The following SLC8A1 variants were observed in gnomAD, a reference collection of about 807,000 sequenced individuals.
The protein encoded by SLC8A1 is sodium/calcium exchanger 1.
A neutral mutation model predicts 68.3 loss-of-function variants in SLC8A1; 18 were observed. The observed-to-expected ratio is 0.26, with a 90% CI of 0.18 to 0.39. The LOEUF is 0.39. SLC8A1 is among the 10% of genes least tolerant of loss of function. The probability of loss-of-function intolerance (pLI) is 1.00; values close to 1 mark genes in which losing one functional copy is unlikely to be tolerated. For synonymous variants in SLC8A1, 475 were observed against 415.5 expected, an observed-to-expected ratio of 1.14 and a Z score of -1.74; for missense variants, 985 against 1,156.7, an observed-to-expected ratio of 0.85 and a Z score of 2.15.
At chr2:40,121,292 G>A (rs1205752410) in intron 7 of SLC8A1, among the ~76,000 whole-genome samples, 1 of 152,150 alleles carries the variant, frequency 6.6e-6, no homozygotes, top group Non-Finnish European at 1.5e-5. Flanking sequence ...TGTAAGACAT[G>A]GGAAGGGGAG....
chr2:40,479,064 G>T (rs938850613), intron 1 of SLC8A1, among the ~76,000 whole-genome samples: 1 of 152,088 alleles, frequency 6.6e-6, no homozygotes, highest in Non-Finnish European at 1.5e-5. Flanking sequence ...GAGCCACCAC[G>T]CCCGGCCTCA....
At chr2:40,443,789 G>A (rs955018129) in intron 1 of SLC8A1, among the ~76,000 whole-genome samples, 3 of 152,176 alleles carry the variant, frequency 2.0e-5, no homozygotes, top group Non-Finnish European at 4.4e-5. Context: ...GGGAAATTCT[G>A]CTAACAATCT....
At position 40,352,469 on chromosome 2, in the gene SLC8A1, A is replaced by G. The variant is rs547179508; in HGVS notation, c.1808+76004T>C. Among the ~76,000 whole-genome samples the G allele has an allele frequency of 6.9e-4, 105 of 152,290 alleles. 2 individuals are homozygous for G. The highest frequency in any genetic ancestry group is 2.5e-3 in the African/African-American group (103 of 41,580). On this transcript the variant is annotated intron_variant, in intron 2 of 7. Coordinates refer to ENST00000406785, the Ensembl canonical transcript of SLC8A1. Reference sequence around the variant, plus strand: ...CAAAGGCTTGTTGAGTTCTCTTTCTATAATCCTCAGGAATTCAAAGAAGCC... The same window carrying G: ...CAAAGGCTTGTTGAGTTCTCTTTCTGTAATCCTCAGGAATTCAAAGAAGCC...
intron 2 of SLC8A1, among the ~76,000 whole-genome samples, chr2:40,380,725 G>C (rs1487191971): frequency 6.6e-6 from 1 of 152,072 alleles, no homozygotes; most frequent in Non-Finnish European, 1.5e-5. Context: ...AATTTCCTGA[G>C]CAATGATGGT....
At chr2:40,401,323 C>T (rs1257091443) in intron 2 of SLC8A1, among the ~76,000 whole-genome samples, 6 of 152,136 alleles carry the variant, frequency 3.9e-5, no homozygotes, top group African/African-American at 1.4e-4. Context: ...TTTGTTCATA[C>T]TATTTCTTCC....
intron 7 of SLC8A1, among the ~76,000 whole-genome samples, chr2:40,133,546 T>C (rs2039845539): frequency 6.6e-6 from 1 of 151,922 alleles, no homozygotes; most frequent in Non-Finnish European, 1.5e-5. Flanking sequence ...TGCCAGAAAC[T>C]AAAGGACAGC....
intron 5 of SLC8A1, among the ~76,000 whole-genome samples, chr2:40,164,402 A>G (rs959103680): frequency 2.6e-5 from 4 of 152,212 alleles, no homozygotes; most frequent in African/African-American, 9.6e-5. Flanking sequence ...GAGCTTGTCA[A>G]TGGGATGTTC....
chr2:40,302,029 A>ATG (rs1405381831), intron 2 of SLC8A1, among the ~76,000 whole-genome samples: 1 of 83,888 alleles, frequency 1.2e-5, no homozygotes, highest in East Asian at 4.0e-4. Flanking sequence ...CACCGGGCTA[A>ATG]TCTGTGTGTG....
At chr2:40,357,497 T>TAAAAAA (rs71406059) in intron 2 of SLC8A1, among the ~76,000 whole-genome samples, 23 of 115,468 alleles carry the variant, frequency 2.0e-4, no homozygotes, top group African/African-American at 2.6e-4. Flanking sequence ...ACCCTGTCTT[T>TAAAAAA]AAAAAAAAAA....
intron 2 of SLC8A1, among the ~76,000 whole-genome samples, chr2:40,215,305 A>G (rs1436248280): frequency 6.6e-6 from 1 of 152,080 alleles, no homozygotes; most frequent in Non-Finnish European, 1.5e-5. Context: ...AGCCGGGTCT[A>G]AAGGTACACA....
At chr2:40,122,236 G>A (rs1544642) in intron 7 of SLC8A1, among the ~76,000 whole-genome samples, 20,806 of 149,442 alleles carry the variant, frequency 0.14, 1,548 homozygotes, top group Admixed American at 0.2. Flanking sequence ...GTGTGCGCGC[G>A]CACACACACA....
At chr2:40,292,828 G>T (rs1281293371) in intron 2 of SLC8A1, among the ~76,000 whole-genome samples, 1 of 152,168 alleles carries the variant, frequency 6.6e-6, no homozygotes, top group Non-Finnish European at 1.5e-5. Flanking sequence ...AAATTACGCT[G>T]CCTATTCTCT....
At chr2:40,366,622 C>T (rs577947400) in intron 2 of SLC8A1, among the ~76,000 whole-genome samples, 26 of 151,986 alleles carry the variant, frequency 1.7e-4, no homozygotes, top group Non-Finnish European at 2.9e-4. Flanking sequence ...TTATATAACT[C>T]GCTCAAGGTC....
At chr2:40,262,083 C>A (rs2064783759) in intron 2 of SLC8A1, among the ~76,000 whole-genome samples, 1 of 151,970 alleles carries the variant, frequency 6.6e-6, no homozygotes, top group Non-Finnish European at 1.5e-5. Context: ...CTGTCTCAGC[C>A]TCCTTAGTAG....
chr2:40,171,851 G>A (rs934591839), intron 4 of SLC8A1, among the ~76,000 whole-genome samples: 9 of 152,202 alleles, frequency 5.9e-5, no homozygotes, highest in African/African-American at 1.7e-4. Flanking sequence ...CCAAACAAGG[G>A]CCTTTCAATG....
At position 40,433,628 on chromosome 2, in the gene SLC8A1, A is replaced by G. The variant is rs556364770; in HGVS notation, c.-24-3324T>C. Among the ~76,000 whole-genome samples, 267 of 152,310 alleles carry G rather than the reference A, an allele frequency of 1.8e-3. 3 individuals are homozygous for G. The highest frequency in any genetic ancestry group is 1.0e-3 in the Non-Finnish European group (70 of 68,024). On this transcript the variant is annotated intron_variant, in intron 1 of 7. Transcript: ENST00000406785. Reference sequence around the variant, plus strand: ...ACAATAATCCTAAATAGTAGGTACTATTAGCCCATTTGGAGGTTGGATAAC... The same window carrying G: ...ACAATAATCCTAAATAGTAGGTACTGTTAGCCCATTTGGAGGTTGGATAAC...
intron 2 of SLC8A1, among the ~76,000 whole-genome samples, chr2:40,258,014 C>A (rs1248406968): frequency 2.6e-5 from 4 of 152,172 alleles, no homozygotes; most frequent in Admixed American, 2.6e-4. Context: ...AACAATATAC[C>A]AGCGTGGGTG....
intron 2 of SLC8A1, among the ~76,000 whole-genome samples, chr2:40,428,234 T>C (rs1431261498): frequency 1.3e-5 from 2 of 152,070 alleles, no homozygotes; most frequent in African/African-American, 2.4e-5. Context: ...AATGTGTAAA[T>C]GTATAAAAGT....
intron 7 of SLC8A1, among the ~76,000 whole-genome samples, chr2:40,135,624 A>G (rs371372158): frequency 1.3e-5 from 2 of 152,180 alleles, no homozygotes; most frequent in Non-Finnish European, 2.9e-5. Flanking sequence ...AGGCTGAGGC[A>G]GGAGACTTGC....
Sources: gnomAD v4.1 joint callset for allele counts (sites outside exome capture counted in the v4.1 genomes callset) on GRCh38, gnomAD v4.1.1 for gene constraint, MANE v1.5 for transcripts, NCBI Gene and HGNC (gene_info 2026-07-23, HGNC 2026-07-21) for gene names.